The following NUMB variants were observed in gnomAD, a reference collection of about 807,000 sequenced individuals.
NUMB encodes protein numb homolog.
NUMB carries 29 observed loss-of-function variants against 59.7 expected under a neutral mutation model. The observed-to-expected ratio is 0.49, with a 90% CI of 0.36 to 0.66. NUMB has a LOEUF of 0.66. Among genes scored for constraint, NUMB ranks in the 30% least tolerant of loss-of-function variants. The pLI is 0.00. For synonymous variants in NUMB, 288 were observed against 288.2 expected (o/e 1.00, Z 0.01); for missense variants, 723 against 822.0 (o/e 0.88, Z 1.47).
intron 4 of NUMB, among the ~76,000 whole-genome samples, chr14:73,353,270 A>C (rs1893564423): frequency 6.7e-6 from 1 of 149,262 alleles, no homozygotes; most frequent in Non-Finnish European, 1.5e-5. Context: ...TGTTTTTAGT[A>C]AAGAAGGGAT....
At chr14:73,398,066 C>T (rs1406531954) in intron 2 of NUMB, among the ~76,000 whole-genome samples, 2 of 152,106 alleles carry the variant, frequency 1.3e-5, no homozygotes, top group African/African-American at 4.8e-5. Flanking sequence ...AGACAGCCTG[C>T]AATGCATGTG....
intron 2 of NUMB, among the ~76,000 whole-genome samples, chr14:73,367,309 A>T (rs992178283): frequency 1.6e-5 from 2 of 126,760 alleles, no homozygotes; most frequent in Non-Finnish European, 3.1e-5. Context: ...ACACACACAC[A>T]CACACACACA....
intron 2 of NUMB, among the ~76,000 whole-genome samples, chr14:73,371,462 G>A (rs1894668108): frequency 1.3e-5 from 2 of 151,996 alleles, no homozygotes; most frequent in African/African-American, 4.8e-5. Flanking sequence ...TTAAACCCGG[G>A]AGGTGGAGCT....
chr14:73,356,967 G>T lies in NUMB; in HGVS notation c.-15-1201C>A, dbSNP rs540468086. ...CCCGCCTTGGCCTCTCTAAGTGCTG[G>T]AATTACAGGCGTGAGCCACCATACC... is the stretch of plus-strand genomic sequence containing the variant. On this transcript the variant is annotated intron_variant, in intron 3 of 12. Transcript: ENST00000555238. 2.2e-4 allele frequency: 159 copies of T among 717,174 alleles called. 3 individuals are homozygous for T. The South Asian group carries it at 8.6e-3, about 39-fold the overall frequency. The allele number at this position is 717,174 out of a possible 1,614,324, so 44.4% of individuals were successfully genotyped here. A position where few individuals can be genotyped will look rare whatever the true frequency, so the allele number is the denominator to read the frequency against.
At chr14:73,427,478 CA>C (rs1897638660) in intron 1 of NUMB, among the ~76,000 whole-genome samples, 2 of 151,798 alleles carry the variant, frequency 1.3e-5, no homozygotes, top group Non-Finnish European at 1.5e-5. Context: ...AAAAACAAAA[CA>C]AAACAAGAAA....
At chr14:73,367,774 CAAAA>C (rs11463575) in intron 2 of NUMB, among the ~76,000 whole-genome samples, 4 of 111,854 alleles carry the variant, frequency 3.6e-5, no homozygotes, top group Admixed American at 1.1e-4. Flanking sequence ...GACCCTGTTT[CAAAA>C]AAAAAAAAAA....
chr14:73,435,181 T>C (rs1410025246), intron 1 of NUMB, among the ~76,000 whole-genome samples: 1 of 151,972 alleles, frequency 6.6e-6, no homozygotes, highest in Non-Finnish European at 1.5e-5. Flanking sequence ...GTGGCAAGGA[T>C]GTGGAGCAAC....
At chr14:73,397,096 C>A (rs745471175) in intron 2 of NUMB, among the ~76,000 whole-genome samples, 1 of 152,076 alleles carries the variant, frequency 6.6e-6, no homozygotes, top group Admixed American at 6.6e-5. Flanking sequence ...TGCACTCCAG[C>A]CTGGGCAACA....
intron 1 of NUMB, among the ~76,000 whole-genome samples, chr14:73,417,110 C>T (rs1384484210): frequency 6.6e-6 from 1 of 151,928 alleles, no homozygotes; most frequent in Non-Finnish European, 1.5e-5. Context: ...CCCACTCCAT[C>T]CCCTTTCCAG....
chr14:73,440,603 T>C (rs942193890), intron 1 of NUMB, among the ~76,000 whole-genome samples: 2 of 151,696 alleles, frequency 1.3e-5, no homozygotes, highest in African/African-American at 4.8e-5. Context: ...CCCAGCACTT[T>C]GGGAGGCTGA....
intron 5 of NUMB, among the ~76,000 whole-genome samples, chr14:73,319,929 A>G (rs961859778): frequency 6.6e-6 from 1 of 152,148 alleles, no homozygotes; most frequent in African/African-American, 2.4e-5. Flanking sequence ...CATGAATTCA[A>G]GACCACCCTG....
intron 2 of NUMB, among the ~76,000 whole-genome samples, chr14:73,383,692 C>T (rs1895358840): frequency 6.6e-6 from 1 of 152,072 alleles, no homozygotes; most frequent in South Asian, 2.1e-4. Flanking sequence ...CTGAAAACTG[C>T]TAAAAACCGA....
intron 1 of NUMB, among the ~76,000 whole-genome samples, chr14:73,438,630 CAA>C (rs35633693): frequency 0.013 from 857 of 66,698 alleles, 4 homozygotes; most frequent in South Asian, 0.061. Flanking sequence ...GACTCTGCCT[CAA>C]AAAAAAAAAA....
intron 1 of NUMB, among the ~76,000 whole-genome samples, chr14:73,436,385 C>A (rs1036687102): frequency 1.3e-5 from 2 of 152,126 alleles, no homozygotes; most frequent in African/African-American, 4.8e-5. Context: ...AGCGTGATCT[C>A]GGCTCACTGC....
chr14:73,397,209 G>A (rs1896181154), intron 2 of NUMB, among the ~76,000 whole-genome samples: 1 of 152,112 alleles, frequency 6.6e-6, no homozygotes, highest in Admixed American at 6.6e-5. Context: ...AGGTCTGGGT[G>A]GAGGCCAAGA....
chr14:73,374,865 C>T lies in NUMB; in HGVS notation c.-100-7884G>A, dbSNP rs547432504. Among the ~76,000 whole-genome samples, 12 of 151,882 alleles carry T rather than the reference C, an allele frequency of 7.9e-5. 1 individual carries two copies. Among genetic ancestry groups the T allele is most frequent in the African/African-American group, 2.2e-4 (9 of 41,422 alleles). ...CCTCCTGAATAGCTGGGATTACAGG[C>T]GCCCACCACCATGCCCAGCTAATTT... On this transcript the variant is annotated intron_variant, in intron 2 of 12. Coordinates refer to ENST00000555238, the MANE Select transcript of NUMB (RefSeq NM_001005743.2).
intron 2 of NUMB, among the ~76,000 whole-genome samples, chr14:73,384,588 G>C (rs1186336053): frequency 6.6e-6 from 1 of 151,976 alleles, no homozygotes; most frequent in East Asian, 1.9e-4. Context: ...TTTTTTTTGA[G>C]ACAGGGTCTG....
intron 1 of NUMB, among the ~76,000 whole-genome samples, chr14:73,430,696 C>T (rs576886519): frequency 2.0e-5 from 3 of 152,074 alleles, no homozygotes; most frequent in Non-Finnish European, 2.9e-5. Flanking sequence ...AATGCCAGCA[C>T]TTTGGGAGTC....
At chr14:73,285,800 C>T (rs1487449296) in intron 9 of NUMB, among the ~76,000 whole-genome samples, 1 of 151,986 alleles carries the variant, frequency 6.6e-6, no homozygotes, top group Non-Finnish European at 1.5e-5. Flanking sequence ...GTTGCATTCA[C>T]CTGTAATCCC....
Sources: gnomAD v4.1 joint callset for allele counts (sites outside exome capture counted in the v4.1 genomes callset) on GRCh38, gnomAD v4.1.1 for gene constraint, MANE v1.5 for transcripts, NCBI Gene and HGNC (gene_info 2026-07-23, HGNC 2026-07-21) for gene names.